Variants in CHL1 observed in about 807,000 individuals in gnomAD.
CHL1 encodes the protein neural cell adhesion molecule L1-like protein.
In CHL1, 96 loss-of-function variants were observed where a neutral mutation model predicts 141.9. The observed-to-expected ratio is 0.68, with a 90% CI of 0.57 to 0.80. The LOEUF (loss-of-function observed/expected upper bound fraction) is 0.80, where lower values mean the gene tolerates loss of function less well. Among genes scored for constraint, CHL1 ranks in the 30% least tolerant of loss-of-function variants. The pLI, the probability that CHL1 is intolerant of heterozygous loss-of-function variation, is 0.00. For synonymous variants in CHL1, 613 were observed against 502.2 expected, an observed-to-expected ratio of 1.22 and a Z score of -2.95; for missense variants, 1,820 against 1,457.2, an observed-to-expected ratio of 1.25 and a Z score of -4.05.
At position 405,765 on chromosome 3, in the gene CHL1, T is replaced by G; in HGVS notation, c.*54T>G. On this transcript the variant is annotated 3_prime_UTR_variant, in exon 28 of 28. Transcript: ENST00000256509. Reference sequence around the variant, plus strand: ...TTCACCCCAACCTTCCATATTTATCTGTTCAAAGGAGCAAGAACTTTCATA... The same window carrying G: ...TTCACCCCAACCTTCCATATTTATCGGTTCAAAGGAGCAAGAACTTTCATA... The G allele has an allele frequency of 7.3e-7, 1 of 1,365,112 alleles. No individual in the cohort carries two copies. The highest frequency in any genetic ancestry group is 1.8e-5 in the Admixed American group (1 of 56,296). 84.6% of individuals were successfully genotyped at this position (1,365,112 alleles called of 1,614,324 possible).
chr3:260,940 A>G (rs1203676879), intron 2 of CHL1, among the ~76,000 whole-genome samples: 3 of 152,090 alleles, frequency 2.0e-5, no homozygotes, highest in African/African-American at 7.2e-5. Context: ...TTTTTTTTGG[A>G]CAGTTTGAGA....
At chr3:290,429 A>G (rs1009693290) in intron 2 of CHL1, among the ~76,000 whole-genome samples, 40 of 152,182 alleles carry the variant, frequency 2.6e-4, no homozygotes, top group Admixed American at 1.3e-3. Flanking sequence ...ATGAGAACAG[A>G]CAGTATTTAT....
intron 10 of CHL1, among the ~76,000 whole-genome samples, chr3:352,391 C>G (rs1296780930): frequency 6.6e-6 from 1 of 152,084 alleles, no homozygotes; most frequent in East Asian, 1.9e-4. Context: ...ATAAACATCT[C>G]TATTTAGCTT....
At chr3:219,722 G>A (rs1365319032) in intron 1 of CHL1, among the ~76,000 whole-genome samples, 1 of 152,126 alleles carries the variant, frequency 6.6e-6, no homozygotes, top group Non-Finnish European at 1.5e-5. Context: ...GGAGGGAGAG[G>A]ATCAGAAAAA....
chr3:329,597 A>T (rs1050816239), intron 5 of CHL1, among the ~76,000 whole-genome samples: 16 of 151,962 alleles, frequency 1.1e-4, no homozygotes, highest in Non-Finnish European at 1.8e-4. Context: ...AAAAAGTAAG[A>T]CAAGCAGAAA....
At position 403,167 on chromosome 3, in the gene CHL1, T is replaced by C. The variant is rs1386860225; in HGVS notation, c.3458+1469T>C. Among the ~76,000 whole-genome samples, 3 of 152,178 alleles carry C rather than the reference T, an allele frequency of 2.0e-5. No homozygotes were observed. In the East Asian group the frequency reaches 5.8e-4, roughly 29 times the overall value. On this transcript the variant is annotated intron_variant, in intron 27 of 27. Coordinates refer to ENST00000256509, the MANE Select transcript of CHL1 (RefSeq NM_006614.4). ...TCTGTTCTTCACAGGCCAGAGGTCATTCCTAACTCCATACCACGTAGATAT... is the reference window on the plus strand; with the variant it reads ...TCTGTTCTTCACAGGCCAGAGGTCACTCCTAACTCCATACCACGTAGATAT...
intron 1 of CHL1, among the ~76,000 whole-genome samples, chr3:232,545 C>G (rs980442379): frequency 1.3e-5 from 2 of 152,056 alleles, no homozygotes; most frequent in Non-Finnish European, 2.9e-5. Context: ...CTTATTTATG[C>G]TCTGCTGATT....
At chr3:238,785 T>A (rs920801854) in intron 1 of CHL1, among the ~76,000 whole-genome samples, 233 of 127,338 alleles carry the variant, frequency 1.8e-3, no homozygotes, top group African/African-American at 6.1e-3. Context: ...AAAAAAAAAA[T>A]AGCTGGATGT....
rs147824625 is a variant in CHL1 at position 319,360 on chromosome 3, T to G, written c.-94-323T>G. 8.3e-3 allele frequency among the ~76,000 whole-genome samples: 1,255 copies of G among 151,778 alleles called. 13 individuals carry two copies. Among genetic ancestry groups the G allele is most frequent in the Non-Finnish European group, 0.013 (908 of 67,800 alleles). ...TATGTAACAAACCTGCAAAGTTACC[T>G]CCTGAATCTAAAATAGAAGTTGAGA... On this transcript the variant is annotated intron_variant, in intron 2 of 27. Transcript: ENST00000256509.
intron 5 of CHL1, among the ~76,000 whole-genome samples, chr3:336,439 A>C (rs996742332): frequency 6.6e-6 from 1 of 152,086 alleles, no homozygotes; most frequent in Admixed American, 6.5e-5. Flanking sequence ...ATGGCATTTC[A>C]CTACTACTCT....
intron 1 of CHL1, among the ~76,000 whole-genome samples, chr3:239,545 G>T (rs557092687): frequency 4.0e-5 from 6 of 150,972 alleles, no homozygotes; most frequent in Non-Finnish European, 8.8e-5. Flanking sequence ...TAATTGATAT[G>T]TGTAGCTTTA....
chr3:377,769 C>G lies in CHL1; in HGVS notation c.1752-49C>G, dbSNP rs758074566. 9.4e-6 allele frequency: 14 copies of G among 1,496,968 alleles called. No homozygotes were observed. In the South Asian group the frequency reaches 9.8e-5, roughly 10 times the overall value. The allele number at this position is 1,496,968 out of a possible 1,614,324, so 92.7% of individuals were successfully genotyped here. On this transcript the variant is annotated intron_variant, in intron 15 of 27. Coordinates refer to ENST00000256509, the MANE Select transcript of CHL1 (RefSeq NM_006614.4). ...ATTTTTAAAAGAATTGGGTTTCTAT[C>G]ATTTCTATTGTTTTCCTTCTCATCA...
Position 360,795 on chromosome 3 carries a change from T to C in CHL1, c.1306+371T>C, listed in dbSNP as rs1314532571. 1.4e-3 allele frequency among the ~76,000 whole-genome samples: 189 copies of C among 132,818 alleles called. 2 individuals carry two copies. The highest frequency in any genetic ancestry group is 5.2e-3 in the African/African-American group (178 of 34,328). 87.1% of individuals were successfully genotyped at this position (132,818 alleles called of 152,430 possible). On this transcript the variant is annotated intron_variant, in intron 12 of 27. Transcript: ENST00000256509. ...TGTGATGTTCCCCTTCCTGTGTCCATGTGATCTCATTGTTCAATTCCCACC... is the reference window on the plus strand; with the variant it reads ...TGTGATGTTCCCCTTCCTGTGTCCACGTGATCTCATTGTTCAATTCCCACC...
intron 26 of CHL1, among the ~76,000 whole-genome samples, chr3:399,805 T>C (rs578097833): frequency 2.2e-4 from 33 of 152,318 alleles, no homozygotes; most frequent in Non-Finnish European, 4.0e-4. Context: ...CCTCTCTCTA[T>C]GCATGACATA....
intron 5 of CHL1, among the ~76,000 whole-genome samples, chr3:338,021 T>C (rs1702060164): frequency 6.6e-6 from 1 of 152,088 alleles, no homozygotes; most frequent in Admixed American, 6.5e-5. Flanking sequence ...CCACATCCTC[T>C]CCAGCACCTT....
intron 24 of CHL1, among the ~76,000 whole-genome samples, chr3:395,254 G>A (rs889887249): frequency 2.0e-5 from 3 of 152,092 alleles, no homozygotes; most frequent in Admixed American, 1.3e-4. Context: ...TCTTCCATTG[G>A]TAGACATTAC....
At chr3:199,465 C>T (rs528810269) in intron 1 of CHL1, among the ~76,000 whole-genome samples, 1 of 152,342 alleles carries the variant, frequency 6.6e-6, no homozygotes, top group East Asian at 1.9e-4. Context: ...TATAGGTCCT[C>T]CAACCTATCT....
chr3:277,786 A>G (rs931937140), intron 2 of CHL1, among the ~76,000 whole-genome samples: 2 of 152,186 alleles, frequency 1.3e-5, no homozygotes, highest in Non-Finnish European at 2.9e-5. Flanking sequence ...TTGTTATTGG[A>G]AAGAGAATCA....
At chr3:336,252 A>C (rs1010117609) in intron 5 of CHL1, among the ~76,000 whole-genome samples, 8 of 152,182 alleles carry the variant, frequency 5.3e-5, no homozygotes, top group African/African-American at 1.9e-4. Flanking sequence ...ATACTAGATT[A>C]CAGTATCATC....
Sources: gnomAD v4.1 joint callset for allele counts (sites outside exome capture counted in the v4.1 genomes callset) on GRCh38, gnomAD v4.1.1 for gene constraint, MANE v1.5 for transcripts, NCBI Gene and HGNC (gene_info 2026-07-23, HGNC 2026-07-21) for gene names.